ANKRD11: variants seen among roughly 807,000 people sequenced by gnomAD.
The protein encoded by ANKRD11 is ankyrin repeat domain 11.
Under a neutral mutation model 195.7 loss-of-function variants are expected in ANKRD11, and 17 were observed. The ratio of observed to expected loss-of-function variants is 0.09; its 90% CI spans 0.06 to 0.13. The LOEUF (loss-of-function observed/expected upper bound fraction) is 0.13, where lower values mean the gene tolerates loss of function less well. Ranked by LOEUF, ANKRD11 falls within the 10% of genes least tolerant of loss-of-function variation. The pLI is 1.00. For missense variants in ANKRD11, 3,735 were observed against 3,566.1 expected (o/e 1.05, Z -1.21); for synonymous variants, 1,953 against 1,528.1 (o/e 1.28, Z -6.49).
chr16:89,285,105 C>A lies in ANKRD11; in HGVS notation c.1437G>T (p.Ser479=). 5.0e-6 allele frequency: 8 copies of A among 1,613,752 alleles called. No individual in the cohort carries two copies. Among genetic ancestry groups the A allele is most frequent in the Non-Finnish European group, 6.8e-6 (8 of 1,180,038 alleles). The change falls in exon 9 of 13, where the codon TCG becomes TCT. Residue 479 remains serine, a synonymous_variant. Coordinates refer to ENST00000301030, the MANE Select transcript of ANKRD11 (RefSeq NM_013275.6). This position sits in a 1 kb window ranked among gnomAD's most constrained non-coding sequence, Gnocchi z 5.6. ...FGKRSDKFCS[S]ESESESSESG... ...TCTCTGAGGACTCGCTCTCCGACTC[C>A]GAGGAGCAGAACTTGTCGCTCCGCT... is the stretch of plus-strand genomic sequence containing the variant.
chr16:89,283,946 T>C lies in ANKRD11; in HGVS notation c.2596A>G (p.Arg866Gly). 1.2e-6 allele frequency: 2 copies of C among 1,614,106 alleles called. No individual in the cohort carries two copies. Among genetic ancestry groups the C allele is most frequent in the South Asian group, 1.1e-5 (1 of 91,074 alleles). The change falls in exon 9 of 13, where the codon AGG (arginine) becomes GGG (glycine). Residue 866 changes from arginine to glycine, a missense_variant. By Grantham distance (125) the Arg-to-Gly change is moderately radical. Transcript: ENST00000301030. The surrounding 1 kb of genome is among the most constrained non-coding windows in gnomAD (Gnocchi z 4.3). ...GCCACAGAGTCGCTCTTCATGTCCC[T>C]GTAGTCTGTCACTGGCGAGTCCCAG... is the stretch of plus-strand genomic sequence containing the variant. The part of the protein sequence containing the change: ...DSWDSPVTDY[R>G]DMKSDSVAKL...
At chr16:89,340,538 G>A (rs2038606998) in intron 2 of ANKRD11, among the ~76,000 whole-genome samples, 1 of 152,220 alleles carries the variant, frequency 6.6e-6, no homozygotes, top group African/African-American at 2.4e-5. Context: ...GCCTCCCAAA[G>A]TGCTGGGATT....
rs1321216591 is a variant in ANKRD11, at chr16:89,279,734, C to T, written c.6808G>A (p.Ala2270Thr). ...AEGPPAASLC[A>T]PDGPAPNTVA... is the part of the protein sequence containing the mutation. The stretch of plus-strand genomic sequence containing the variant: ...GTGTTCGGGGCGGGGCCGTCAGGGG[C>T]ACAGAGGGACGCGGCGGGGGGGCCT... The change falls in exon 9 of 13, where the codon GCC becomes ACC. Residue 2270 changes from alanine to threonine, a missense_variant. By Grantham distance (58) the Ala-to-Thr change is moderately conservative (BLOSUM62 0). Transcript: ENST00000301030. The surrounding 1 kb of genome is among the most constrained non-coding windows in gnomAD (Gnocchi z 5.6). 3.3e-6 allele frequency: 5 copies of T among 1,536,912 alleles called. No homozygotes were observed. Among genetic ancestry groups the T allele is most frequent in the Non-Finnish European group, 4.4e-6 (5 of 1,146,588 alleles).
chr16:89,469,915 T>A (rs1445251428), intron 1 of ANKRD11, among the ~76,000 whole-genome samples: 2 of 14,086 alleles, frequency 1.4e-4, no homozygotes, highest in Non-Finnish European at 2.6e-4. Context: ...TTTTTCCTTT[T>A]CTTTTGTTTT....
intron 4 of ANKRD11, 174 bp downstream of exon 4, chr16:89,305,032 G>C: frequency 1.0e-6 from 1 of 969,658 alleles, no homozygotes; most frequent in Non-Finnish European, 1.5e-6. Flanking sequence ...GTGCAAAGGA[G>C]GTGGCATGTG....
At chr16:89,426,529 T>TCACACACACACACACACACACACA (rs55664494) in intron 1 of ANKRD11, among the ~76,000 whole-genome samples, 1 of 142,258 alleles carries the variant, frequency 7.0e-6, no homozygotes, top group East Asian at 2.1e-4. Flanking sequence ...CACTTAAACA[T>TCACACACACACACACACACACACA]CACACACACA....
At chr16:89,337,468 CCTCT>C (rs2038430063) in intron 2 of ANKRD11, among the ~76,000 whole-genome samples, 2 of 94,958 alleles carry the variant, frequency 2.1e-5, no homozygotes, top group Non-Finnish European at 4.2e-5. Flanking sequence ...AGACAGTCTC[CCTCT>C]GTCGCCCAGG....
At position 89,389,368 on chromosome 16, in the gene ANKRD11, A is replaced by AT. The variant is rs564239654; in HGVS notation, c.-60+28915dup. Among the ~76,000 whole-genome samples, 13 of 152,280 alleles carry AT rather than the reference A, an allele frequency of 8.5e-5. No individual in the cohort carries two copies. In the South Asian group the frequency reaches 2.1e-3, roughly 24 times the overall value. On this transcript the variant is annotated intron_variant, in intron 2 of 12. Coordinates refer to ENST00000301030, the MANE Select transcript of ANKRD11 (RefSeq NM_013275.6). ...CTAAAATTTTTCAAAAATAAAAAGT[A>AT]TATTGAAAAAAATTCCTGGGCATGT...
At chr16:89,469,585 TAA>T (rs2057001053) in intron 1 of ANKRD11, among the ~76,000 whole-genome samples, 1 of 151,540 alleles carries the variant, frequency 6.6e-6, no homozygotes, top group African/African-American at 2.4e-5. Flanking sequence ...AGAAAGGAGA[TAA>T]AACGTACGCA....
At chr16:89,323,103 GC>G in intron 2 of ANKRD11, 1 of 318,790 alleles carries the variant, frequency 3.1e-6, no homozygotes, top group South Asian at 2.4e-5. Flanking sequence ...TTCCAGCTGA[GC>G]CCTGCCGGCT....
chr16:89,467,049 A>G (rs1597497895), intron 1 of ANKRD11, among the ~76,000 whole-genome samples: 1 of 152,220 alleles, frequency 6.6e-6, no homozygotes, highest in Non-Finnish European at 1.5e-5. Context: ...AGAAATTCCA[A>G]TGGTTGCAGG....
chr16:89,377,013 C>T (rs984291761), intron 2 of ANKRD11, among the ~76,000 whole-genome samples: 6 of 152,294 alleles, frequency 3.9e-5, no homozygotes, highest in Non-Finnish European at 5.9e-5. Context: ...CCCCTTTTTC[C>T]GGACTGCTTC....
intron 3 of ANKRD11, among the ~76,000 whole-genome samples, chr16:89,312,644 G>A (rs1196754564): frequency 6.6e-6 from 1 of 151,812 alleles, no homozygotes; most frequent in East Asian, 1.9e-4. Context: ...AGCCCATGTG[G>A]GCCCACAGCG....
In ANKRD11 at chr16:89,281,494, G is replaced by A; in HGVS notation, c.5048C>T (p.Pro1683Leu). ...GADSKDWLAGPHMKEVLPASP... is the reference protein window; with the variant it reads ...GADSKDWLAGLHMKEVLPASP... The stretch of plus-strand genomic sequence containing the variant: ...CGCAGGCAGGACCTCTTTCATGTGA[G>A]GGCCTGCCAGCCAGTCTTTGGAGTC... The change falls in exon 9 of 13, where the codon CCT becomes CTT. Residue 1683 changes from proline (P) to leucine (L), a missense_variant. Transcript: ENST00000301030. This position sits in a 1 kb window ranked among gnomAD's most constrained non-coding sequence, Gnocchi z 5.5. 2 of 1,614,218 alleles carry A rather than the reference G, an allele frequency of 1.2e-6. No individual in the cohort carries two copies. The highest frequency in any genetic ancestry group is 8.5e-7 in the Non-Finnish European group (1 of 1,180,036).
Position 89,436,946 on chromosome 16 carries a change from AAG to A in ANKRD11, c.-144-18580_-144-18579del, listed in dbSNP as rs1392614331. ...ACATTTATCAACCACATCTTTTAAA[AAG>A]AGAGAAAAGTAGGAAACTCAAAGTA... On this transcript the variant is annotated intron_variant, in intron 1 of 12. Transcript: ENST00000301030. 2.0e-5 allele frequency among the ~76,000 whole-genome samples: 3 copies of A among 152,236 alleles called. No individual in the cohort carries two copies. The South Asian group carries it at 6.2e-4, about 31-fold the overall frequency.
chr16:89,372,442 G>A (rs992075982), intron 2 of ANKRD11, among the ~76,000 whole-genome samples: 4 of 152,174 alleles, frequency 2.6e-5, no homozygotes, highest in Non-Finnish European at 5.9e-5. Flanking sequence ...AGTGAGAGGC[G>A]GCTCAGGGCA....
chr16:89,476,405 G>A (rs2057259641), intron 1 of ANKRD11, among the ~76,000 whole-genome samples: 1 of 152,162 alleles, frequency 6.6e-6, no homozygotes, highest in Non-Finnish European at 1.5e-5. Flanking sequence ...GTTATTCGTA[G>A]AATAGCAAAG....
chr16:89,324,129 C>A, intron 2 of ANKRD11: 2 of 818,466 alleles, frequency 2.4e-6, no homozygotes, highest in Non-Finnish European at 3.2e-6. Context: ...CACGGCACAA[C>A]GCTCTCTACT....
rs1278178541 is a variant in ANKRD11, at chr16:89,267,741, C to G, written c.*737G>C. On this transcript the variant is annotated 3_prime_UTR_variant, in exon 13 of 13. Coordinates refer to ENST00000301030, the MANE Select transcript of ANKRD11 (RefSeq NM_013275.6). ...GCAAAATAAATTATCTAGAAGGCAG[C>G]AAAAGTACATTGTGAAGGTATATAA... The G allele has an allele frequency of 6.6e-6, 1 of 152,088 alleles. No individual in the cohort carries two copies. Among genetic ancestry groups the G allele is most frequent in the Non-Finnish European group, 1.5e-5 (1 of 68,026 alleles). 9.4% of individuals were successfully genotyped at this position (152,088 alleles called of 1,614,324 possible). A position where few individuals can be genotyped will look rare whatever the true frequency, so the allele number is the denominator to read the frequency against.
Sources: allele counts gnomAD v4.1 joint callset (sites outside exome capture counted in the v4.1 genomes callset), GRCh38; gene constraint gnomAD v4.1.1; non-coding constraint Gnocchi (gnomAD v3.1); transcripts MANE v1.5; gene names NCBI Gene and HGNC (gene_info 2026-07-23, HGNC 2026-07-21).